The following PIK3CD variants were observed in gnomAD, a reference collection of about 807,000 sequenced individuals.
PIK3CD encodes phosphatidylinositol 4,5-bisphosphate 3-kinase catalytic subunit delta isoform.
PIK3CD carries 20 observed loss-of-function variants against 122.9 expected under a neutral mutation model. That is an observed-to-expected ratio of 0.16 (90% CI 0.11 to 0.24). The LOEUF is 0.24. PIK3CD is among the 10% of genes least tolerant of loss of function. PIK3CD has a pLI of 1.00. For synonymous variants in PIK3CD, 596 were observed against 593.4 expected, an observed-to-expected ratio of 1.00 and a Z score of -0.06; for missense variants, 787 against 1,406.3, an observed-to-expected ratio of 0.56 and a Z score of 7.04.
intron 2 of PIK3CD, among the ~76,000 whole-genome samples, chr1:9,701,341 T>G (rs759339212): frequency 3.3e-5 from 5 of 152,114 alleles, no homozygotes; most frequent in Non-Finnish European, 5.9e-5. Context: ...ACTGGTGGGA[T>G]AAATGAATCT....
At chr1:9,702,523 T>TTTTTTTTTTTTTTG (rs1646682457) in intron 2 of PIK3CD, among the ~76,000 whole-genome samples, 1 of 105,744 alleles carries the variant, frequency 9.5e-6, no homozygotes, top group Non-Finnish European at 1.9e-5. Flanking sequence ...TTTTTTTTTT[T>TTTTTTTTTTTTTTG]TTTTTTTTTT....
chr1:9,720,939 G>T lies in PIK3CD; in HGVS notation c.1689+30G>T, dbSNP rs1331450747. 6.4e-7 allele frequency: 1 copy of T among 1,554,442 alleles called. No individual in the cohort carries two copies. The highest frequency in any genetic ancestry group is 2.4e-5 in the East Asian group (1 of 41,518). ...GTGGGGAGGCGCACCTGGGGGCGGA[G>T]CTGGGGGCAGACCACAGCCTCTGGC... is the stretch of plus-strand genomic sequence containing the variant. On this transcript the variant is annotated intron_variant, in intron 13 of 23. Coordinates refer to ENST00000377346, the MANE Select transcript of PIK3CD (RefSeq NM_005026.5). This position sits in a 1 kb window ranked among gnomAD's most constrained non-coding sequence, Gnocchi z 9.0.
chr1:9,643,208 A>G, the PIK3CD span, among the ~76,000 whole-genome samples: 14 of 152,274 alleles, frequency 9.2e-5, no homozygotes, highest in South Asian at 2.1e-4. Context: ...CGGGAGTTCG[A>G]GACCAGCCTG....
intron 2 of PIK3CD, among the ~76,000 whole-genome samples, chr1:9,693,036 C>A (rs955506691): frequency 2.0e-5 from 3 of 152,086 alleles, no homozygotes; most frequent in African/African-American, 7.2e-5. Context: ...AATCCTCATG[C>A]TTTTTTATTT....
At chr1:9,641,372 G>T in the PIK3CD span, among the ~76,000 whole-genome samples, 9 of 152,094 alleles carry the variant, frequency 5.9e-5, no homozygotes, top group African/African-American at 2.2e-4. Context: ...CAGGACTAGG[G>T]ATTCATTGAA....
the PIK3CD span, among the ~76,000 whole-genome samples, chr1:9,637,015 A>G: frequency 6.6e-6 from 1 of 151,482 alleles, no homozygotes; most frequent in African/African-American, 2.4e-5. Context: ...CTCCTGCCTC[A>G]GCCTCCTGAG....
chr1:9,677,144 C>T (rs564316768), intron 1 of PIK3CD, among the ~76,000 whole-genome samples: 2 of 151,938 alleles, frequency 1.3e-5, no homozygotes, highest in Non-Finnish European at 2.9e-5. Flanking sequence ...GCCTGAGTGC[C>T]GAGTGCCTGG....
chr1:9,668,116 G>A (rs1645219168), intron 1 of PIK3CD, among the ~76,000 whole-genome samples: 1 of 151,978 alleles, frequency 6.6e-6, no homozygotes, highest in Admixed American at 6.6e-5. Context: ...CTGGCTGGAT[G>A]TATAGCATGA....
the PIK3CD span, among the ~76,000 whole-genome samples, chr1:9,634,873 C>G: frequency 6.6e-6 from 1 of 152,160 alleles, no homozygotes; most frequent in Non-Finnish European, 1.5e-5. Flanking sequence ...ACTGAGCTGA[C>G]TATTGTCTCC....
At chr1:9,681,554 A>C (rs966493199) in intron 1 of PIK3CD, among the ~76,000 whole-genome samples, 3 of 152,222 alleles carry the variant, frequency 2.0e-5, no homozygotes, top group African/African-American at 7.2e-5. Context: ...AGCTGGGACT[A>C]CAGGCGTGCG....
chr1:9,638,503 C>A, the PIK3CD span, among the ~76,000 whole-genome samples: 4 of 151,990 alleles, frequency 2.6e-5, no homozygotes, highest in Non-Finnish European at 4.4e-5. Context: ...GAGGCCGAGG[C>A]GGGCGGATCA....
rs1406553453 is a variant in PIK3CD, at chr1:9,695,853, A to AAAAAAAG, written c.-33+4286_-33+4287insAAGAAAA. Among the ~76,000 whole-genome samples, 769 of 150,314 alleles carry AAAAAAAG rather than the reference A, an allele frequency of 5.1e-3. 13 individuals carry two copies. Among genetic ancestry groups the AAAAAAAG allele is most frequent in the East Asian group, 0.042 (216 of 5,150 alleles). On this transcript the variant is annotated intron_variant, in intron 2 of 23. Transcript: ENST00000377346. ...AGCGAGACTCAGTCTCAAAAAAAAA[A>AAAAAAAG]AAAAGAAAAGAAAGAAAGATACTAC...
At chr1:9,690,453 G>A in intron 1 of PIK3CD, among the ~76,000 whole-genome samples, 1 of 152,198 alleles carries the variant, frequency 6.6e-6, no homozygotes, top group East Asian at 1.9e-4. Context: ...GTGGTAACGG[G>A]TATTGGCCAG....
intron 1 of PIK3CD, among the ~76,000 whole-genome samples, chr1:9,687,731 G>A (rs1646025699): frequency 6.6e-6 from 1 of 152,200 alleles, no homozygotes; most frequent in Non-Finnish European, 1.5e-5. Context: ...GAGCACGAGC[G>A]TCTGTGGTCT....
In PIK3CD at chr1:9,719,774, C is replaced by T. The variant is rs1208929253; in HGVS notation, c.1243-147C>T. 8 of 747,620 alleles carry T rather than the reference C, an allele frequency of 1.1e-5. No individual in the cohort carries two copies. The highest frequency in any genetic ancestry group is 5.2e-5 in the African/African-American group (3 of 57,406). 46.3% of individuals were successfully genotyped at this position (747,620 alleles called of 1,614,324 possible). A position where few individuals can be genotyped will look rare whatever the true frequency, so the allele number is the denominator to read the frequency against. ...GAAAGAGGAAAAAGCGGCTCCTCTC[C>T]TTCCCCAAGCAGGGTCTCCCAGGGG... is the stretch of plus-strand genomic sequence containing the variant. On this transcript the variant is annotated intron_variant, in intron 9 of 23. Transcript: ENST00000377346. This position sits in a 1 kb window ranked among gnomAD's most constrained non-coding sequence, Gnocchi z 5.5.
rs1348412017 is a variant in PIK3CD, at chr1:9,719,328, T to C, written c.1242+413T>C. 1.3e-5 allele frequency among the ~76,000 whole-genome samples: 2 copies of C among 152,152 alleles called. No individual in the cohort carries two copies. On this transcript the variant is annotated intron_variant, in intron 9 of 23. Transcript: ENST00000377346. This position sits in a 1 kb window ranked among gnomAD's most constrained non-coding sequence, Gnocchi z 5.5. ...TGACTCACTCCGAGCTGAGCTGGGC[T>C]GGCCTCTGGGGCTGGGCTGTCTGTT...
At chr1:9,701,758 A>G (rs1646641154) in intron 2 of PIK3CD, among the ~76,000 whole-genome samples, 1 of 151,740 alleles carries the variant, frequency 6.6e-6, no homozygotes, top group African/African-American at 2.4e-5. Flanking sequence ...GAATTCCTTC[A>G]TTTAGATCAG....
chr1:9,676,498 C>T (rs1243945298), intron 1 of PIK3CD, among the ~76,000 whole-genome samples: 1 of 152,248 alleles, frequency 6.6e-6, no homozygotes, highest in African/African-American at 2.4e-5. Flanking sequence ...GGTGCCCATT[C>T]TCCCCAATGC....
At position 9,704,256 on chromosome 1, in the gene PIK3CD, G is replaced by A. The variant is rs1252019682; in HGVS notation, c.-32-6168G>A. On this transcript the variant is annotated intron_variant, in intron 2 of 23. Coordinates refer to ENST00000377346, the MANE Select transcript of PIK3CD (RefSeq NM_005026.5). This position sits in a 1 kb window ranked among gnomAD's most constrained non-coding sequence, Gnocchi z 5.0. ...AAGTATTTCCCTACATCCCATTTAG[G>A]TAAGGTGTAGTTGAAGACTTCATTT... is the stretch of plus-strand genomic sequence containing the variant. 6.6e-6 allele frequency among the ~76,000 whole-genome samples: 1 copy of A among 152,186 alleles called. No homozygotes were observed. The highest frequency in any genetic ancestry group is 1.5e-5 in the Non-Finnish European group (1 of 68,030).
Sources: allele counts gnomAD v4.1 joint callset (sites outside exome capture counted in the v4.1 genomes callset), GRCh38; gene constraint gnomAD v4.1.1; non-coding constraint Gnocchi (gnomAD v3.1); transcripts MANE v1.5; gene names NCBI Gene and HGNC (gene_info 2026-07-23, HGNC 2026-07-21).